The following VPS54 variants were observed in gnomAD, a reference collection of about 807,000 sequenced individuals.
VPS54 encodes VPS54 subunit of GARP complex.
In VPS54, 45 loss-of-function variants were observed where a neutral mutation model predicts 121.5. The observed-to-expected ratio is 0.37, with a 90% CI of 0.29 to 0.47. The LOEUF (loss-of-function observed/expected upper bound fraction) is 0.47. Among genes scored for constraint, VPS54 ranks in the 20% least tolerant of loss-of-function variants. The probability of loss-of-function intolerance (pLI) is 0.99; values close to 1 mark genes in which losing one functional copy is unlikely to be tolerated. For missense variants in VPS54, 1,090 were observed against 1,131.4 expected, an observed-to-expected ratio of 0.96 and a Z score of 0.52; for synonymous variants, 371 against 385.8, an observed-to-expected ratio of 0.96 and a Z score of 0.45.
At chr2:63,998,992 G>C (rs1195343832) in intron 1 of VPS54, among the ~76,000 whole-genome samples, 1 of 151,956 alleles carries the variant, frequency 6.6e-6, no homozygotes, top group Non-Finnish European at 1.5e-5. Flanking sequence ...TGTCACCCAG[G>C]CTGGAGTGCG....
chr2:63,940,476 C>A (rs1486152248), intron 11 of VPS54, among the ~76,000 whole-genome samples: 1 of 152,108 alleles, frequency 6.6e-6, no homozygotes, highest in Admixed American at 6.5e-5. Flanking sequence ...TAGAGCCATT[C>A]CACATAGTGG....
rs755495535 is a variant in VPS54 at position 63,972,257 on chromosome 2, CAAAT to C, written c.379-17_379-14del. ...GAATCTTCTCTCTCTAATAAAAAGA[CAAAT>C]AACATCATCAATGTATGTGTAAACA... On this transcript the variant is annotated splice_polypyrimidine_tract_variant and intron_variant, in intron 3 of 22. Coordinates refer to ENST00000272322, the MANE Select transcript of VPS54 (RefSeq NM_016516.3). 11 of 1,551,052 alleles carry C rather than the reference CAAAT, an allele frequency of 7.1e-6. No homozygotes were observed. Among genetic ancestry groups the C allele is most frequent in the South Asian group, 1.2e-5 (1 of 84,750 alleles).
At chr2:63,991,734 C>A (rs1284098199) in intron 1 of VPS54, among the ~76,000 whole-genome samples, 1 of 152,066 alleles carries the variant, frequency 6.6e-6, no homozygotes, top group Non-Finnish European at 1.5e-5. Flanking sequence ...TGGGACCAGT[C>A]CCAGGCCCCA....
At chr2:63,912,913 A>G (rs1475421352) in intron 18 of VPS54, among the ~76,000 whole-genome samples, 1 of 152,142 alleles carries the variant, frequency 6.6e-6, no homozygotes, top group African/African-American at 2.4e-5. Flanking sequence ...CAATAACAAG[A>G]CAACTGATTC....
intron 12 of VPS54, among the ~76,000 whole-genome samples, chr2:63,928,282 A>C (rs1457856045): frequency 6.6e-6 from 1 of 152,242 alleles, no homozygotes; most frequent in African/African-American, 2.4e-5. Context: ...GGTTACCCAC[A>C]AAGGGAAGCC....
At chr2:63,893,595 G>T in intron 22 of VPS54, 60 bp from the exon 23 acceptor site, 2 of 1,436,076 alleles carry the variant, frequency 1.4e-6, no homozygotes, top group Non-Finnish European at 1.9e-6. Context: ...GATAATTAAA[G>T]TAACAGTGCT....
At chr2:64,005,193 T>C (rs1333234075) in intron 1 of VPS54, among the ~76,000 whole-genome samples, 1 of 125,240 alleles carries the variant, frequency 8.0e-6, no homozygotes, top group Non-Finnish European at 1.6e-5. Context: ...AAGCTCCGCC[T>C]CCCAGGTTCA....
intron 7 of VPS54, among the ~76,000 whole-genome samples, chr2:63,958,625 G>A (rs545357100): frequency 3.9e-5 from 6 of 152,250 alleles, no homozygotes; most frequent in African/African-American, 1.4e-4. Flanking sequence ...TAGGGCAGGA[G>A]GATCACTTGA....
chr2:63,936,354 CATA>C (rs36011176), intron 11 of VPS54, among the ~76,000 whole-genome samples: 26,424 of 152,014 alleles, frequency 0.17, 3,038 homozygotes, highest in Non-Finnish European at 0.24. Flanking sequence ...TTTTAAAATA[CATA>C]ATACTTTCAA....
chr2:63,931,181 G>A lies in VPS54; in HGVS notation c.1739+2492C>T, dbSNP rs190118423. ...AAAAACTACTAATGGAACCAAAAAA[G>A]AGCCCGCATAGCCAAGACAATCCTG... On this transcript the variant is annotated intron_variant, in intron 12 of 22. Transcript: ENST00000272322. 2.9e-3 allele frequency among the ~76,000 whole-genome samples: 442 copies of A among 152,172 alleles called. 2 individuals carry two copies. The highest frequency in any genetic ancestry group is 0.017 in the Middle Eastern group (5 of 294).
intron 2 of VPS54, among the ~76,000 whole-genome samples, chr2:63,982,872 G>T (rs1676862851): frequency 1.3e-5 from 2 of 152,142 alleles, no homozygotes; most frequent in Non-Finnish European, 2.9e-5. Flanking sequence ...ACTTCAGCTG[G>T]GAATGCATGT....
At chr2:63,953,054 GTTTT>G (rs141717833) in intron 7 of VPS54, among the ~76,000 whole-genome samples, 1 of 145,936 alleles carries the variant, frequency 6.9e-6, no homozygotes, top group Non-Finnish European at 1.5e-5. Flanking sequence ...CTATAGAGCA[GTTTT>G]TTTTTCATTA....
chr2:63,940,467 A>G (rs755589883), intron 11 of VPS54, among the ~76,000 whole-genome samples: 1 of 152,230 alleles, frequency 6.6e-6, no homozygotes, highest in Non-Finnish European at 1.5e-5. Context: ...TAACTGACAT[A>G]GAGCCATTCC....
intron 11 of VPS54, among the ~76,000 whole-genome samples, chr2:63,935,890 G>T (rs892430436): frequency 6.6e-6 from 1 of 152,110 alleles, no homozygotes; most frequent in African/African-American, 2.4e-5. Context: ...ATCGATAAAG[G>T]AATTTCATTT....
intron 22 of VPS54, among the ~76,000 whole-genome samples, chr2:63,894,713 AAAG>A (rs1205512271): frequency 6.6e-6 from 1 of 152,042 alleles, no homozygotes; most frequent in African/African-American, 2.4e-5. Flanking sequence ...AAAAAAAAAA[AAAG>A]GTTGTTTGAT....
intron 17 of VPS54, 35 bp downstream of exon 17, chr2:63,914,147 A>G: frequency 6.4e-7 from 1 of 1,554,568 alleles, no homozygotes; most frequent in Non-Finnish European, 8.8e-7. Flanking sequence ...AATTCCTCGA[A>G]AAATTTTTCC....
chr2:63,990,421 C>T (rs145376591), intron 1 of VPS54, among the ~76,000 whole-genome samples: 2,016 of 152,248 alleles, frequency 0.013, 59 homozygotes, highest in African/African-American at 0.046. Flanking sequence ...TACAATTTAC[C>T]TATAATTCTT....
chr2:63,962,849 C>T (rs1675831030), intron 6 of VPS54, among the ~76,000 whole-genome samples: 1 of 152,116 alleles, frequency 6.6e-6, no homozygotes, highest in South Asian at 2.1e-4. Flanking sequence ...TAGATGATTA[C>T]ACCTTCCATT....
chr2:64,004,685 T>C (rs930388497), intron 1 of VPS54, among the ~76,000 whole-genome samples: 6 of 152,236 alleles, frequency 3.9e-5, no homozygotes, highest in Admixed American at 2.6e-4. Flanking sequence ...GATACCTTCT[T>C]AGAATAATGT....
Sources: allele counts gnomAD v4.1 joint callset (sites outside exome capture counted in the v4.1 genomes callset), GRCh38; gene constraint gnomAD v4.1.1; transcripts MANE v1.5; gene names NCBI Gene and HGNC (gene_info 2026-07-23, HGNC 2026-07-21).